Variants in IPO5 observed in about 807,000 individuals in gnomAD.
IPO5 encodes the protein importin-5.
A neutral mutation model predicts 143.3 loss-of-function variants in IPO5; 18 were observed. The observed-to-expected ratio is 0.13, with a 90% confidence interval of 0.09 to 0.19. IPO5 has a LOEUF of 0.19. IPO5 is among the 10% of genes least tolerant of loss of function. IPO5 has a pLI of 1.00. For missense variants in IPO5, 1,013 were observed against 1,336.9 expected (o/e 0.76, Z 3.78); for synonymous variants, 477 against 465.7 (o/e 1.02, Z -0.31).
At chr13:97,961,174 G>A (rs144496924) in intron 2 of IPO5, among the ~76,000 whole-genome samples, 5 of 152,222 alleles carry the variant, frequency 3.3e-5, no homozygotes, top group African/African-American at 7.2e-5. Flanking sequence ...CTTTTATTGC[G>A]AAGTAATATT....
At chr13:98,017,239 G>A (rs547848508) in intron 25 of IPO5, among the ~76,000 whole-genome samples, 1 of 145,418 alleles carries the variant, frequency 6.9e-6, no homozygotes, top group Non-Finnish European at 1.5e-5. Flanking sequence ...ATGGATAATG[G>A]GCATATATAT....
At chr13:97,968,003 G>A (rs963632510) in intron 2 of IPO5, among the ~76,000 whole-genome samples, 3 of 152,086 alleles carry the variant, frequency 2.0e-5, no homozygotes, top group Non-Finnish European at 4.4e-5. Flanking sequence ...TGTCACCCAG[G>A]TTGGAATGCA....
At chr13:97,969,667 C>A in intron 2 of IPO5, 56 bp from the exon 3 acceptor site, 1 of 756,900 alleles carries the variant, frequency 1.3e-6, no homozygotes, top group Admixed American at 2.2e-5. Context: ...TTAAGAATAT[C>A]ATCTTCAAAA....
At chr13:97,961,028 G>A (rs1325666706) in intron 2 of IPO5, among the ~76,000 whole-genome samples, 1 of 152,126 alleles carries the variant, frequency 6.6e-6, no homozygotes, top group African/African-American at 2.4e-5. Context: ...CCAATCTACT[G>A]TCTATGGATG....
intron 24 of IPO5, 140 bp from the exon 25 acceptor site, chr13:98,016,589 T>G: frequency 2.1e-6 from 1 of 470,428 alleles, no homozygotes; most frequent in South Asian, 4.6e-5. Flanking sequence ...TACTCCGGTC[T>G]CTAGACTCTT....
At chr13:97,970,453 T>C (rs899074847) in intron 3 of IPO5, among the ~76,000 whole-genome samples, 2 of 151,926 alleles carry the variant, frequency 1.3e-5, no homozygotes, top group Non-Finnish European at 2.9e-5. Context: ...ACCCCGTCTC[T>C]ACTAAAAATA....
chr13:98,012,196 G>A, intron 20 of IPO5, 50 bp from the exon 21 acceptor site: 1 of 1,083,482 alleles, frequency 9.2e-7, no homozygotes, highest in Non-Finnish European at 1.4e-6. Context: ...TAATATTAAT[G>A]CTTGAAGACT....
chr13:98,018,663 T>C lies in IPO5; in HGVS notation c.2795T>C (p.Met932Thr). The C allele has an allele frequency of 6.2e-7, 1 of 1,614,218 alleles. No homozygotes were observed. The highest frequency in any genetic ancestry group is 2.2e-5 in the East Asian group (1 of 44,878). The change falls in exon 26 of 29, where the codon ATG (methionine) becomes ACG (threonine). Residue 932 changes from methionine (M) to threonine (T), a missense_variant. Transcript: ENST00000651721. ...RQAAAYGLGV[M>T]AQYGGDNYRP... ...GCAGCTGCATATGGCCTGGGAGTCA[T>C]GGCACAGTACGGTGGAGATAATTAT... is the stretch of plus-strand genomic sequence containing the variant.
chr13:97,965,247 C>T (rs1337579470), intron 2 of IPO5, among the ~76,000 whole-genome samples: 1 of 152,064 alleles, frequency 6.6e-6, no homozygotes, highest in East Asian at 1.9e-4. Context: ...GCATGCAGGG[C>T]TTAAAACCTA....
At chr13:97,960,308 G>C (rs1370615453) in intron 2 of IPO5, 3 of 152,078 alleles carry the variant, frequency 2.0e-5, no homozygotes, top group Non-Finnish European at 2.9e-5. Flanking sequence ...AATCATATCT[G>C]AATCTCCCCA....
chr13:98,011,033 G>A (rs970716980), intron 20 of IPO5, among the ~76,000 whole-genome samples: 3 of 151,730 alleles, frequency 2.0e-5, no homozygotes, highest in Admixed American at 2.0e-4. Flanking sequence ...CGCCTGCCAT[G>A]ACCTGGGATT....
chr13:97,962,215 G>A (rs191823616), intron 2 of IPO5, among the ~76,000 whole-genome samples: 1 of 144,786 alleles, frequency 6.9e-6, no homozygotes, highest in Non-Finnish European at 1.6e-5. Flanking sequence ...AAGCACAAAG[G>A]TTTTAATTTT....
intron 18 of IPO5, 48 bp downstream of exon 18, chr13:98,008,190 C>T (rs781420455): frequency 9.2e-7 from 1 of 1,085,182 alleles, no homozygotes; most frequent in South Asian, 1.3e-5. Context: ...GAGTTGTGGA[C>T]AGCACATGGT....
chr13:97,978,304 T>C (rs1401815390), intron 4 of IPO5, among the ~76,000 whole-genome samples: 1 of 152,244 alleles, frequency 6.6e-6, no homozygotes, highest in Non-Finnish European at 1.5e-5. Context: ...TCACTCTATA[T>C]TTCACATTGC....
intron 2 of IPO5, among the ~76,000 whole-genome samples, chr13:97,954,802 T>G (rs1445809446): frequency 6.6e-6 from 1 of 152,232 alleles, no homozygotes; most frequent in Non-Finnish European, 1.5e-5. Context: ...TAAACAGTTT[T>G]GCTTTCTTCC....
intron 2 of IPO5, among the ~76,000 whole-genome samples, chr13:97,963,768 T>C (rs1417321604): frequency 1.3e-5 from 2 of 152,228 alleles, no homozygotes; most frequent in Non-Finnish European, 2.9e-5. Flanking sequence ...CTTGCAACTC[T>C]AGATGAATTT....
At chr13:98,017,311 T>C (rs34511977) in intron 25 of IPO5, among the ~76,000 whole-genome samples, 8,011 of 151,920 alleles carry the variant, frequency 0.053, 551 homozygotes, top group East Asian at 0.38. Context: ...TAAAATGTTT[T>C]ATAGACTTCT....
At chr13:97,985,820 G>A (rs1475692194) in intron 6 of IPO5, among the ~76,000 whole-genome samples, 1 of 152,062 alleles carries the variant, frequency 6.6e-6, no homozygotes, top group African/African-American at 2.4e-5. Context: ...TCACCTATTG[G>A]TATTCAAAAT....
intron 4 of IPO5, chr13:97,981,531 G>C (rs1463851621): frequency 8.0e-6 from 2 of 250,654 alleles, no homozygotes; most frequent in African/African-American, 2.3e-5. Flanking sequence ...TTGTCACTTT[G>C]TTCCAGAGAA....
Sources: allele counts gnomAD v4.1 joint callset (sites outside exome capture counted in the v4.1 genomes callset), GRCh38; gene constraint gnomAD v4.1.1; transcripts MANE v1.5; gene names NCBI Gene and HGNC (gene_info 2026-07-23, HGNC 2026-07-21).